The following OOEP variants were observed in gnomAD, a reference collection of about 807,000 sequenced individuals.
The protein encoded by OOEP is oocyte-expressed protein homolog.
In OOEP, 16 loss-of-function variants were observed where a neutral mutation model predicts 13.7. The observed-to-expected ratio is 1.16, with a 90% CI of 0.79 to 1.77. The LOEUF is 1.77. OOEP is among the 40% of genes most tolerant of loss of function. OOEP has a pLI of 0.00. For missense variants in OOEP, 195 were observed against 193.1 expected (o/e 1.01, Z -0.06); for synonymous variants, 89 against 77.1 (o/e 1.15, Z -0.81).
intron 2 of OOEP, among the ~76,000 whole-genome samples, chr6:73,388,381 C>CGCAAA (rs1372956230): frequency 6.6e-6 from 1 of 152,062 alleles, no homozygotes; most frequent in Non-Finnish European, 1.5e-5. Flanking sequence ...CAAAAGTTTG[C>CGCAAA]CTAGAAGAAA....
At chr6:73,373,355 C>T (rs1250220960), upstream of OOEP, 1 of 1,276,478 alleles carries the variant, frequency 7.8e-7, no homozygotes, top group Non-Finnish European at 1.1e-6. Flanking sequence ...GACAGGGTCT[C>T]ACTCTGTCAC....
At chr6:73,386,194 A>G (rs533051774) in intron 2 of OOEP, among the ~76,000 whole-genome samples, 59 of 151,598 alleles carry the variant, frequency 3.9e-4, no homozygotes, top group African/African-American at 1.3e-3. Context: ...TCCCGGGTTC[A>G]AGCGATTCTC....
chr6:73,371,655 C>T (rs1769057629), upstream of OOEP, among the ~76,000 whole-genome samples: 1 of 151,916 alleles, frequency 6.6e-6, no homozygotes, highest in African/African-American at 2.4e-5. Flanking sequence ...GAGGCTGAGG[C>T]AGGAGAATCA....
rs760945644 is a variant in OOEP, at chr6:73,369,818, G to A, written c.-26C>T. 18 of 1,597,714 alleles carry A rather than the reference G, an allele frequency of 1.1e-5. No homozygotes were observed. The highest frequency in any genetic ancestry group is 1.5e-5 in the Non-Finnish European group (17 of 1,170,688). On this transcript the variant is annotated 5_prime_UTR_variant, in exon 1 of 3. Coordinates refer to ENST00000370359, the MANE Select transcript of OOEP (RefSeq NM_001080507.3). ...ACTGGGACCAGCAGCCGCGGAGCGC[G>A]CTCGAGGCGGCTTTCGCAAGACCTC...
At chr6:73,381,992 AAAAC>A (rs1212687312) in intron 2 of OOEP, among the ~76,000 whole-genome samples, 5 of 152,138 alleles carry the variant, frequency 3.3e-5, no homozygotes, top group Admixed American at 3.3e-4. Flanking sequence ...AAAACAAAAC[AAAAC>A]AAACAAAAAA....
chr6:73,392,335 C>T (rs965150621), intron 2 of OOEP, among the ~76,000 whole-genome samples: 1 of 152,084 alleles, frequency 6.6e-6, no homozygotes, highest in African/African-American at 2.4e-5. Flanking sequence ...TGGAATTTCA[C>T]TCTTGTTGCC....
At chr6:73,373,125 T>C (rs1769086069), upstream of OOEP, 4 of 1,606,826 alleles carry the variant, frequency 2.5e-6, no homozygotes, top group Admixed American at 6.7e-5. Context: ...CCCAGCTTGG[T>C]TCTTCTCCAA....
At chr6:73,369,460 C>A in intron 1 of OOEP, 75 bp from the exon 2 acceptor site, 1 of 1,534,298 alleles carries the variant, frequency 6.5e-7, no homozygotes, top group South Asian at 1.2e-5. Flanking sequence ...GAATGTTGGC[C>A]AGGGAAGGGA....
chr6:73,382,214 A>AT (rs70994196), intron 2 of OOEP, among the ~76,000 whole-genome samples: 24,410 of 98,082 alleles, frequency 0.25, 4,817 homozygotes, highest in African/African-American at 0.47. Flanking sequence ...CACCTGGCTA[A>AT]TTTTTTTTTT....
chr6:73,393,089 T>C (rs1360008843), intron 2 of OOEP, among the ~76,000 whole-genome samples: 1 of 151,266 alleles, frequency 6.6e-6, no homozygotes, highest in East Asian at 1.9e-4. Flanking sequence ...CTGTGTTTGA[T>C]GGATGATTGA....
intron 2 of OOEP, among the ~76,000 whole-genome samples, chr6:73,375,038 G>C (rs1330180991): frequency 6.6e-6 from 1 of 152,038 alleles, no homozygotes; most frequent in Non-Finnish European, 1.5e-5. Flanking sequence ...TGTTGGCCAG[G>C]CTGGTCTCAA....
In OOEP at chr6:73,369,619, CAGCCATGCCTCT is replaced by C; in HGVS notation, c.162_173del (p.Glu55_Leu58del). The C allele has an allele frequency of 6.2e-7, 1 of 1,613,674 alleles. No individual in the cohort carries two copies. The highest frequency in any genetic ancestry group is 1.1e-5 in the South Asian group (1 of 91,080). On this transcript the variant is annotated inframe_deletion, in exon 1 of 3. Transcript: ENST00000370359. The stretch of plus-strand genomic sequence containing the variant: ...GTCGCTCACCAAAGAGCTCGTCTGC[CAGCCATGCCTCT>C]AGGTAGAACACCAAAGGGTCTCTCA...
intron 2 of OOEP, among the ~76,000 whole-genome samples, chr6:73,392,290 C>A (rs1238583292): frequency 6.6e-6 from 1 of 152,160 alleles, no homozygotes; most frequent in Non-Finnish European, 1.5e-5. Flanking sequence ...AAATGCCTAT[C>A]ATTTATTTAA....
At chr6:73,384,673 T>C (rs1769246116) in intron 2 of OOEP, among the ~76,000 whole-genome samples, 1 of 151,922 alleles carries the variant, frequency 6.6e-6, no homozygotes, top group Non-Finnish European at 1.5e-5. Context: ...CTCCATCACT[T>C]GAAGTCCTGG....
At chr6:73,376,504 A>G (rs1253964959) in intron 2 of OOEP, among the ~76,000 whole-genome samples, 2 of 141,424 alleles carry the variant, frequency 1.4e-5, no homozygotes, top group Admixed American at 7.1e-5. Context: ...TTTGAGACGG[A>G]GTCTGTTGCT....
intron 2 of OOEP, among the ~76,000 whole-genome samples, chr6:73,384,832 G>A (rs1769248106): frequency 6.6e-6 from 1 of 151,868 alleles, no homozygotes; most frequent in Admixed American, 6.6e-5. Flanking sequence ...TGCCTCCCGG[G>A]TTCAAGTGAT....
chr6:73,390,662 C>T (rs1423193591), intron 2 of OOEP, among the ~76,000 whole-genome samples: 1 of 150,690 alleles, frequency 6.6e-6, no homozygotes, highest in African/African-American at 2.4e-5. Flanking sequence ...CTGCAACCTC[C>T]GCCTCCCAGG....
intron 2 of OOEP, chr6:73,391,000 C>A (rs564629593): frequency 6.6e-6 from 1 of 152,150 alleles, no homozygotes; most frequent in Non-Finnish European, 1.5e-5. Flanking sequence ...TTCCTCACCA[C>A]GTGAGAACAC....
At chr6:73,375,854 C>T (rs1052893906) in intron 2 of OOEP, among the ~76,000 whole-genome samples, 2 of 146,734 alleles carry the variant, frequency 1.4e-5, no homozygotes, top group Non-Finnish European at 3.0e-5. Context: ...TGCAGTGGCA[C>T]GATCTCTGTT....
Sources: gnomAD v4.1 joint callset for allele counts (sites outside exome capture counted in the v4.1 genomes callset) on GRCh38, gnomAD v4.1.1 for gene constraint, MANE v1.5 for transcripts, NCBI Gene and HGNC (gene_info 2026-07-23, HGNC 2026-07-21) for gene names.